NPC1: variants seen among roughly 807,000 people sequenced by gnomAD.
NPC1 encodes the protein Niemann-Pick C1 protein.
NPC1 carries 85 observed loss-of-function variants against 140.4 expected under a neutral mutation model. That is an observed-to-expected ratio of 0.61 (90% CI 0.51 to 0.72). The LOEUF is 0.72. Among genes scored for constraint, NPC1 ranks in the 30% least tolerant of loss-of-function variants. The probability of loss-of-function intolerance (pLI) is 0.00; values close to 1 mark genes in which losing one functional copy is unlikely to be tolerated. For missense variants in NPC1, 1,504 were observed against 1,623.8 expected, an observed-to-expected ratio of 0.93 and a Z score of 1.27; for synonymous variants, 656 against 624.8, an observed-to-expected ratio of 1.05 and a Z score of -0.74.
downstream of NPC1, chr18:23,529,075 T>C (rs2058399511): frequency 1.3e-6 from 2 of 1,502,340 alleles, no homozygotes; most frequent in Admixed American, 2.2e-5. Context: ...TTTCCGCTCA[T>C]ATCCTGGGTC....
At chr18:23,577,624 C>T (rs944433132) in intron 1 of NPC1, among the ~76,000 whole-genome samples, 4 of 152,262 alleles carry the variant, frequency 2.6e-5, no homozygotes, top group Non-Finnish European at 4.4e-5. Flanking sequence ...CTGCGCCGTG[C>T]GCCTGCATTC....
chr18:23,570,155 T>G (rs1378231368), intron 3 of NPC1, among the ~76,000 whole-genome samples: 1 of 152,222 alleles, frequency 6.6e-6, no homozygotes, highest in Non-Finnish European at 1.5e-5. Flanking sequence ...CTAATAGGAA[T>G]CACTCTTGGG....
At chr18:23,519,721 C>G (rs1034266598), downstream of NPC1, among the ~76,000 whole-genome samples, 1 of 152,188 alleles carries the variant, frequency 6.6e-6, no homozygotes, top group African/African-American at 2.4e-5. Context: ...AGGTGGGAAT[C>G]CGCTCCATTC....
At chr18:23,517,870 A>G (rs1269610554), downstream of NPC1, among the ~76,000 whole-genome samples, 2 of 152,098 alleles carry the variant, frequency 1.3e-5, no homozygotes, top group East Asian at 1.9e-4. Flanking sequence ...GGCGCATGCC[A>G]CCACATCTGG....
At chr18:23,554,212 C>T (rs894280862) in intron 9 of NPC1, among the ~76,000 whole-genome samples, 3 of 152,096 alleles carry the variant, frequency 2.0e-5, no homozygotes, top group Non-Finnish European at 2.9e-5. Flanking sequence ...AGCAATGCAC[C>T]CCCCACTCTG....
Position 23,536,686 on chromosome 18 carries a change from C to A in NPC1, c.3232G>T (p.Val1078Leu), listed in dbSNP as rs761667445. 1 of 1,613,850 alleles carries A rather than the reference C, an allele frequency of 6.2e-7. No individual in the cohort carries two copies. Among genetic ancestry groups the A allele is most frequent in the East Asian group, 2.2e-5 (1 of 44,894 alleles). ...GGCAGGCTTTACCTGTAAGGAAATA[C>A]TCGGTAGGCACTGCCGTTAATGCCC... ...TMGINGSAYR[V>L]FPYSVFYVFY... is the part of the protein sequence containing the mutation. Residue 1078 changes from valine to leucine, a missense_variant, in exon 21 of 25, where the codon GTA (valine) becomes TTA (leucine). Transcript: ENST00000269228.
At chr18:23,533,738 G>GC (rs2058579327) in intron 23 of NPC1, 1 of 533,276 alleles carries the variant, frequency 1.9e-6, no homozygotes, top group Non-Finnish European at 3.4e-6. Flanking sequence ...ACCCCTGGCC[G>GC]CAAGTGGTCC....
chr18:23,531,348 G>T, downstream of NPC1: 1 of 393,768 alleles, frequency 2.5e-6, no homozygotes, highest in Non-Finnish European at 4.3e-6. Context: ...CTTTAGGATA[G>T]GGAAGGATCA....
At chr18:23,543,316 G>A (rs774674631) in intron 14 of NPC1, 139 bp downstream of exon 14, 2 of 585,526 alleles carry the variant, frequency 3.4e-6, no homozygotes, top group Non-Finnish European at 5.9e-6. Context: ...GTGGCAGAGT[G>A]AGACTCCGTC....
chr18:23,534,612 G>A, intron 22 of NPC1, 53 bp from the exon 23 acceptor site: 2 of 1,428,802 alleles, frequency 1.4e-6, no homozygotes, highest in Non-Finnish European at 1.9e-6. Context: ...AAGACCCTAG[G>A]CAGCCACCCC....
intron 11 of NPC1, among the ~76,000 whole-genome samples, 196 bp downstream of exon 11, chr18:23,547,810 G>A (rs954992303): frequency 6.6e-6 from 1 of 152,226 alleles, no homozygotes; most frequent in African/African-American, 2.4e-5. Context: ...CCTGTGGAGG[G>A]AGAGCTGTTT....
At chr18:23,524,325 T>C (rs2058231264), downstream of NPC1, 8 of 1,493,638 alleles carry the variant, frequency 5.4e-6, no homozygotes, top group Non-Finnish European at 7.5e-6. Flanking sequence ...GCCTCGCGTT[T>C]AGCGTGGACT....
intron 11 of NPC1, 37 bp from the exon 12 acceptor site, chr18:23,545,186 C>T: frequency 7.0e-7 from 1 of 1,424,136 alleles, no homozygotes; most frequent in Non-Finnish European, 9.9e-7. Context: ...TTTAGTTAAA[C>T]TAACTGACAG....
rs781268635 is a variant in NPC1, at chr18:23,540,549, A to G, written c.2515-12T>C. 6.3e-7 allele frequency: 1 copy of G among 1,574,890 alleles called. No homozygotes were observed. Among genetic ancestry groups the G allele is most frequent in the Admixed American group, 1.7e-5 (1 of 59,988 alleles). ...ACAAATATTGCTATCTGGAACAACA[A>G]ATGAATCATAAGACAGAGACTGCTT... On this transcript the variant is annotated splice_polypyrimidine_tract_variant and intron_variant, in intron 16 of 24. Coordinates refer to ENST00000269228, the MANE Select transcript of NPC1 (RefSeq NM_000271.5).
chr18:23,534,564 A>C lies in NPC1; in HGVS notation c.3478-5T>G. On this transcript the variant is annotated splice_polypyrimidine_tract_variant and splice_region_variant and intron_variant, in intron 22 of 24. Transcript: ENST00000269228. ...CTCCACGGAGATGCCACAGCTCTGA[A>C]ATAAAGCACTTCCTTTAGGATGGCT... The C allele has an allele frequency of 6.2e-7, 1 of 1,609,656 alleles. No individual in the cohort carries two copies. The highest frequency in any genetic ancestry group is 8.5e-7 in the Non-Finnish European group (1 of 1,176,598).
At chr18:23,545,317 A>G (rs1437656002) in intron 11 of NPC1, among the ~76,000 whole-genome samples, 168 bp from the exon 12 acceptor site, 2 of 152,050 alleles carry the variant, frequency 1.3e-5, no homozygotes, top group South Asian at 2.1e-4. Context: ...ATCTCAGCTC[A>G]CTCCAAGCTC....
At chr18:23,537,760 T>G (rs1431760442) in intron 20 of NPC1, among the ~76,000 whole-genome samples, 1 of 152,212 alleles carries the variant, frequency 6.6e-6, no homozygotes, top group Non-Finnish European at 1.5e-5. Flanking sequence ...GGCCAAAGCA[T>G]CCAGTCAGTG....
At chr18:23,554,710 G>T in intron 9 of NPC1, 48 bp downstream of exon 9, 1 of 1,487,132 alleles carries the variant, frequency 6.7e-7, no homozygotes, top group Non-Finnish European at 9.4e-7. Flanking sequence ...TGTACCCTAA[G>T]TCAGACCCAA....
chr18:23,560,508 A>G (rs1234784769), intron 5 of NPC1, 28 bp from the exon 6 acceptor site: 2 of 1,612,830 alleles, frequency 1.2e-6, no homozygotes, highest in African/African-American at 1.3e-5. Context: ...GTTGAGTACA[A>G]ATCTCAATTA....
Sources: gnomAD v4.1 joint callset for allele counts (sites outside exome capture counted in the v4.1 genomes callset) on GRCh38, gnomAD v4.1.1 for gene constraint, MANE v1.5 for transcripts, NCBI Gene and HGNC (gene_info 2026-07-23, HGNC 2026-07-21) for gene names.